Variants in TSHR observed in about 807,000 individuals in gnomAD.
TSHR encodes the protein thyrotropin receptor.
A neutral mutation model predicts 64.1 loss-of-function variants in TSHR; 51 were observed. That is an observed-to-expected ratio of 0.80 (90% CI 0.64 to 1.01). The LOEUF is 1.01. Among genes scored for constraint, TSHR ranks in the 50% least tolerant of loss-of-function variants. TSHR has a pLI of 0.00. For missense variants in TSHR, 877 were observed against 942.8 expected (o/e 0.93, Z 0.91); for synonymous variants, 361 against 361.9 (o/e 1.00, Z 0.03).
At chr14:81,068,791 C>T (rs1886847167) in intron 3 of TSHR, among the ~76,000 whole-genome samples, 1 of 152,160 alleles carries the variant, frequency 6.6e-6, no homozygotes, top group Admixed American at 6.5e-5. Context: ...ACACCGGCAT[C>T]TCTGCCTACT....
intron 3 of TSHR, among the ~76,000 whole-genome samples, chr14:81,077,638 C>A (rs1887598977): frequency 6.6e-6 from 1 of 152,126 alleles, no homozygotes; most frequent in South Asian, 2.1e-4. Flanking sequence ...TTATATCCAG[C>A]CTGAAAATCT....
At chr14:81,053,421 A>T (rs911029806) in intron 1 of TSHR, 1 of 152,240 alleles carries the variant, frequency 6.6e-6, no homozygotes, top group Non-Finnish European at 1.5e-5. Flanking sequence ...ACATAAAATT[A>T]AGCATTATAC....
chr14:81,143,296 G>T lies in TSHR; in HGVS notation c.1238G>T (p.Gly413Val). The T allele has an allele frequency of 6.2e-7, 1 of 1,614,136 alleles. No homozygotes were observed. The highest frequency in any genetic ancestry group is 8.5e-7 in the Non-Finnish European group (1 of 1,180,036). Residue 413 changes from glycine to valine, a missense_variant, in exon 10 of 10, where the codon GGC becomes GTC. Gly to Val is a moderately radical substitution (Grantham distance 109, BLOSUM62 -3). Coordinates refer to ENST00000298171, the MANE Select transcript of TSHR (RefSeq NM_000369.5). ...DEFNPCEDIM[G>V]YKFLRIVVWF... is the part of the protein sequence containing the mutation. The stretch of plus-strand genomic sequence containing the variant: ...TTCAACCCGTGTGAAGACATAATGG[G>T]CTACAAGTTCCTGAGAATTGTGGTG...
chr14:81,089,990 C>A (rs1165564629), intron 4 of TSHR, among the ~76,000 whole-genome samples: 3 of 151,812 alleles, frequency 2.0e-5, no homozygotes, highest in African/African-American at 7.3e-5. Flanking sequence ...ACCAGAAGAC[C>A]TTCTCTAGAG....
intron 1 of TSHR, among the ~76,000 whole-genome samples, chr14:81,048,474 G>C (rs1321613974): frequency 6.6e-6 from 1 of 152,032 alleles, no homozygotes. Flanking sequence ...CTGTCTAAAT[G>C]GTCTCAATCT....
chr14:80,996,469 C>G (rs1335240437), intron 1 of TSHR, among the ~76,000 whole-genome samples: 2 of 152,138 alleles, frequency 1.3e-5, no homozygotes, highest in South Asian at 2.1e-4. Context: ...TCACTTTGCT[C>G]TGTCAGATTA....
At chr14:80,977,670 A>C (rs1277146268) in intron 1 of TSHR, among the ~76,000 whole-genome samples, 1 of 152,202 alleles carries the variant, frequency 6.6e-6, no homozygotes, top group African/African-American at 2.4e-5. Context: ...AGAGTCTATG[A>C]GATCATATGG....
intron 1 of TSHR, chr14:81,032,749 C>A: frequency 4.6e-6 from 2 of 431,504 alleles, no homozygotes; most frequent in South Asian, 2.0e-5. Context: ...GAACTTGCCA[C>A]CAAGAATTCC....
At chr14:80,985,127 GTAGTCCCAGC>G (rs1269859932) in intron 1 of TSHR, among the ~76,000 whole-genome samples, 1 of 152,176 alleles carries the variant, frequency 6.6e-6, no homozygotes, top group Non-Finnish European at 1.5e-5. Context: ...GCGGGCGCCT[GTAGTCCCAGC>G]TACTCAGGAG....
In TSHR at chr14:81,103,262, AG is replaced by A; in HGVS notation, c.615-5111del. ...CAATGCTAATTAAGATTTTAAACTA[AG>A]GCAAACACATCAATCTCCTGTAATT... On this transcript the variant is annotated intron_variant, in intron 7 of 9. Coordinates refer to ENST00000298171, the MANE Select transcript of TSHR (RefSeq NM_000369.5). The surrounding 1 kb of genome is among the most constrained non-coding windows in gnomAD (Gnocchi z 4.1). 2 of 985,448 alleles carry A rather than the reference AG, an allele frequency of 2.0e-6. No homozygotes were observed. Among genetic ancestry groups the A allele is most frequent in the Non-Finnish European group, 2.4e-6 (2 of 829,926 alleles). 61.0% of individuals were successfully genotyped at this position (985,448 alleles called of 1,614,324 possible).
At chr14:81,112,592 T>G (rs996138278) in intron 8 of TSHR, among the ~76,000 whole-genome samples, 1 of 152,198 alleles carries the variant, frequency 6.6e-6, no homozygotes, top group African/African-American at 2.4e-5. Context: ...ACAATCTGGT[T>G]AAACTCTCCC....
At chr14:81,074,951 ATT>A (rs1203563950) in intron 3 of TSHR, among the ~76,000 whole-genome samples, 1 of 152,144 alleles carries the variant, frequency 6.6e-6, no homozygotes, top group African/African-American at 2.4e-5. Context: ...TCATGTTTAG[ATT>A]TTGTTCTGTG....
chr14:81,059,659 T>A (rs984199338), intron 1 of TSHR, among the ~76,000 whole-genome samples: 6 of 152,132 alleles, frequency 3.9e-5, no homozygotes, highest in Non-Finnish European at 7.4e-5. Context: ...TTCAATTTTG[T>A]TTGATTTACT....
rs796091649 is a variant in TSHR at position 81,103,632 on chromosome 14, G to T, written c.615-4743G>T. ...ACATTGTCCTATGACTTCCTATGGC[G>T]CCAAGAATGTTGTCATCACTCAGAG... On this transcript the variant is annotated intron_variant, in intron 7 of 9. Coordinates refer to ENST00000298171, the MANE Select transcript of TSHR (RefSeq NM_000369.5). This position sits in a 1 kb window ranked among gnomAD's most constrained non-coding sequence, Gnocchi z 4.1. 1.0e-6 allele frequency: 1 copy of T among 985,310 alleles called. No individual in the cohort carries two copies. Among genetic ancestry groups the T allele is most frequent in the African/African-American group, 1.7e-5 (1 of 57,242 alleles). The allele number at this position is 985,310 out of a possible 1,614,324, so 61.0% of individuals were successfully genotyped here. A position where few individuals can be genotyped will look rare whatever the true frequency, so the allele number is the denominator to read the frequency against.
chr14:81,125,410 T>C (rs7158881), intron 8 of TSHR, among the ~76,000 whole-genome samples: 59,730 of 151,970 alleles, frequency 0.39, 12,983 homozygotes, highest in African/African-American at 0.58. Flanking sequence ...GTAAAGATGG[T>C]CCCTGTGGAA....
chr14:81,086,399 C>A (rs983422392), intron 3 of TSHR, among the ~76,000 whole-genome samples: 1 of 152,110 alleles, frequency 6.6e-6, no homozygotes, highest in Non-Finnish European at 1.5e-5. Flanking sequence ...AGTTGAAATG[C>A]CTAGTTGAAA....
intron 1 of TSHR, among the ~76,000 whole-genome samples, chr14:81,029,852 A>G (rs576124614): frequency 1.5e-4 from 23 of 152,330 alleles, no homozygotes; most frequent in African/African-American, 5.3e-4. Flanking sequence ...GTTGTCTGGA[A>G]TTTCCAAGCC....
chr14:81,025,592 A>G lies in TSHR; in HGVS notation c.171-36556A>G, dbSNP rs1483955928. On this transcript the variant is annotated intron_variant, in intron 1 of 9. Coordinates refer to ENST00000298171, the MANE Select transcript of TSHR (RefSeq NM_000369.5). ...ATAAAAATAAAATATAATAGACAAT[A>G]CATTAAACTGGGAGCCCAGAAACTT... 2.0e-5 allele frequency among the ~76,000 whole-genome samples: 3 copies of G among 152,360 alleles called. No homozygotes were observed. In the East Asian group the frequency reaches 5.8e-4, roughly 29 times the overall value.
chr14:80,993,702 T>G (rs1888861471), intron 1 of TSHR: 1 of 152,152 alleles, frequency 6.6e-6, no homozygotes, highest in Non-Finnish European at 1.5e-5. Context: ...GCCACCCCAC[T>G]TTGCAGAGAA....
Sources: gnomAD v4.1 joint callset for allele counts (sites outside exome capture counted in the v4.1 genomes callset) on GRCh38, gnomAD v4.1.1 for gene constraint, Gnocchi (gnomAD v3.1) non-coding constraint, MANE v1.5 for transcripts, NCBI Gene and HGNC (gene_info 2026-07-23, HGNC 2026-07-21) for gene names.